The following ANO2 variants were observed in gnomAD, a reference collection of about 807,000 sequenced individuals.
ANO2 encodes anoctamin-2.
Under a neutral mutation model 124.2 loss-of-function variants are expected in ANO2, and 101 were observed. That is an observed-to-expected ratio of 0.81 (90% CI 0.69 to 0.96). The LOEUF (loss-of-function observed/expected upper bound fraction) is 0.96, where lower values mean the gene tolerates loss of function less well. Ranked by LOEUF, ANO2 falls within the 40% of genes least tolerant of loss-of-function variation. ANO2 has a pLI of 0.00. For synonymous variants in ANO2, 486 were observed against 482.5 expected (o/e 1.01, Z -0.09); for missense variants, 1,293 against 1,274.5 (o/e 1.01, Z -0.22).
intron 21 of ANO2, 72 bp downstream of exon 21, chr12:5,578,294 G>A (rs1202791384): frequency 6.4e-7 from 1 of 1,552,540 alleles, no homozygotes; most frequent in East Asian, 2.3e-5. Context: ...TCCTGGTGTG[G>A]TGTGACTGTG....
At position 5,900,780 on chromosome 12, in the gene ANO2, T is replaced by G. The variant is rs961874019; in HGVS notation, c.534+20260A>C. 1.3e-5 allele frequency among the ~76,000 whole-genome samples: 2 copies of G among 152,156 alleles called. No homozygotes were observed. The highest frequency in any genetic ancestry group is 2.4e-5 in the African/African-American group (1 of 41,424). ...TCTGGTGCTCAGTCACTTCATCTGC[T>G]GAGTATTTAATTAGAACTGGTGATG... is the stretch of plus-strand genomic sequence containing the variant. On this transcript the variant is annotated intron_variant, in intron 3 of 24. Coordinates refer to ENST00000682330, the MANE Select transcript of ANO2 (RefSeq NM_001364791.2). The surrounding 1 kb of genome is among the most constrained non-coding windows in gnomAD (Gnocchi z 4.2).
At chr12:5,698,459 C>G (rs1244161925) in intron 14 of ANO2, among the ~76,000 whole-genome samples, 1 of 152,176 alleles carries the variant, frequency 6.6e-6, no homozygotes, top group Non-Finnish European at 1.5e-5. Flanking sequence ...TCACCATCAT[C>G]AAAGACCAAA....
chr12:5,905,493 G>C (rs1940612478), intron 3 of ANO2, among the ~76,000 whole-genome samples: 1 of 152,172 alleles, frequency 6.6e-6, no homozygotes. Flanking sequence ...AGATTCATGA[G>C]GCCCCAGTGG....
intron 10 of ANO2, among the ~76,000 whole-genome samples, chr12:5,797,821 C>T (rs1350665178): frequency 6.6e-6 from 1 of 152,164 alleles, no homozygotes; most frequent in African/African-American, 2.4e-5. Context: ...AGCCTCCGGC[C>T]CTGCTCCAGT....
intron 21 of ANO2, among the ~76,000 whole-genome samples, 151 bp from the exon 22 acceptor site, chr12:5,578,158 C>T (rs866584301): frequency 6.6e-6 from 1 of 152,176 alleles, no homozygotes; most frequent in Middle Eastern, 3.4e-3. Context: ...GCTTAGGTAG[C>T]CCCCCCATCT....
At chr12:5,896,219 GA>G (rs1168559911) in intron 3 of ANO2, among the ~76,000 whole-genome samples, 1 of 151,858 alleles carries the variant, frequency 6.6e-6, no homozygotes, top group Non-Finnish European at 1.5e-5. Flanking sequence ...AACCACTAAA[GA>G]ACTTATCCAT....
At chr12:5,660,787 A>T (rs922242127) in intron 14 of ANO2, among the ~76,000 whole-genome samples, 3 of 152,166 alleles carry the variant, frequency 2.0e-5, no homozygotes, top group African/African-American at 7.2e-5. Flanking sequence ...GTTTGGAAAC[A>T]ATAGCCGGGC....
chr12:5,815,421 T>A (rs1005543986), intron 7 of ANO2, among the ~76,000 whole-genome samples: 1 of 152,228 alleles, frequency 6.6e-6, no homozygotes, highest in Admixed American at 6.5e-5. Flanking sequence ...TTAATGATGA[T>A]CTTGAATAAT....
At position 5,847,867 on chromosome 12, in the gene ANO2, T is replaced by C. The variant is rs534862142; in HGVS notation, c.633+6176A>G. Among the ~76,000 whole-genome samples, 3 of 152,358 alleles carry C rather than the reference T, an allele frequency of 2.0e-5. No homozygotes were observed. In the East Asian group the frequency reaches 5.8e-4, roughly 29 times the overall value. The stretch of plus-strand genomic sequence containing the variant: ...TAATAGCAATTACATATGTTTTCTC[T>C]TCAGGAAAAGAAGATAACTTATTCT... On this transcript the variant is annotated intron_variant, in intron 4 of 24. Transcript: ENST00000682330.
chr12:5,803,222 C>T (rs1337445412), intron 9 of ANO2, among the ~76,000 whole-genome samples: 1 of 152,172 alleles, frequency 6.6e-6, no homozygotes, highest in Admixed American at 6.5e-5. Flanking sequence ...CTGACCTATT[C>T]GAACATTTTA....
At chr12:5,790,545 T>C (rs189513760) in intron 10 of ANO2, among the ~76,000 whole-genome samples, 1 of 152,320 alleles carries the variant, frequency 6.6e-6, no homozygotes, top group African/African-American at 2.4e-5. Context: ...TTCAAATCTC[T>C]GCTTCCTGCT....
intron 14 of ANO2, among the ~76,000 whole-genome samples, chr12:5,702,095 A>G (rs1023086698): frequency 1.3e-5 from 2 of 152,250 alleles, no homozygotes; most frequent in Non-Finnish European, 2.9e-5. Flanking sequence ...TCTGTGAAAC[A>G]TGTTCAGAAC....
chr12:5,563,225 T>A lies in ANO2; in HGVS notation c.*74A>T, dbSNP rs1941535867. 6.7e-7 allele frequency: 1 copy of A among 1,503,024 alleles called. No homozygotes were observed. The highest frequency in any genetic ancestry group is 2.0e-5 in the Admixed American group (1 of 50,208). 93.1% of individuals were successfully genotyped at this position (1,503,024 alleles called of 1,614,324 possible). On this transcript the variant is annotated 3_prime_UTR_variant, in exon 25 of 25. Coordinates refer to ENST00000682330, the MANE Select transcript of ANO2 (RefSeq NM_001364791.2). ...CCCTGCAGACAGACAGCACGCCATG[T>A]GGGTGTAGGAACATGCTTACGTGCA...
chr12:5,615,192 T>C lies in ANO2; in HGVS notation c.1922A>G (p.Lys641Arg), dbSNP rs201214063. 1,248 of 1,613,008 alleles carry C rather than the reference T, an allele frequency of 7.7e-4. 3 individuals carry two copies. Among genetic ancestry groups the C allele is most frequent in the Non-Finnish European group, 9.2e-4 (1,083 of 1,179,458 alleles). Reference protein sequence around the residue: ...YSPIFYVAFFKGRFVGRPGSY... With the variant: ...YSPIFYVAFFRGRFVGRPGSY... Reference sequence around the variant, plus strand: ...ATGACACCATTATACTCACCTCCCTTTGAAAAAGGCCACATAGAAGATGGG... The same window carrying C: ...ATGACACCATTATACTCACCTCCCTCTGAAAAAGGCCACATAGAAGATGGG... The change falls in exon 17 of 25, where the codon AAA becomes AGA. Residue 641 changes from lysine (K) to arginine (R), a missense_variant. By Grantham distance (26) the Lys-to-Arg change is conservative. Coordinates refer to ENST00000682330, the MANE Select transcript of ANO2 (RefSeq NM_001364791.2).
chr12:5,889,617 C>G (rs1243131782), intron 3 of ANO2, among the ~76,000 whole-genome samples: 3 of 152,244 alleles, frequency 2.0e-5, no homozygotes, highest in Non-Finnish European at 4.4e-5. Context: ...GACTGCCAGT[C>G]TCTTGGAGCC....
intron 1 of ANO2, among the ~76,000 whole-genome samples, chr12:5,937,091 TG>T (rs1942681336): frequency 6.6e-6 from 1 of 151,470 alleles, no homozygotes; most frequent in Non-Finnish European, 1.5e-5. Context: ...TAGGAATTTC[TG>T]GGTCATATGG....
In ANO2 at chr12:5,787,394, C is replaced by T. The variant is rs1952568941; in HGVS notation, c.1055+12113G>A. On this transcript the variant is annotated intron_variant, in intron 10 of 24. Transcript: ENST00000682330. The surrounding 1 kb of genome is among the most constrained non-coding windows in gnomAD (Gnocchi z 4.2). ...ACCTGGCTCCCCACAAGCATCTCCG[C>T]TACAGAGCTGAAGCTCCAGCATCCC... Among the ~76,000 whole-genome samples the T allele has an allele frequency of 6.6e-6, 1 of 152,202 alleles. No homozygotes were observed. Among genetic ancestry groups the T allele is most frequent in the African/African-American group, 2.4e-5 (1 of 41,452 alleles).
At chr12:5,637,917 A>G (rs1258859677) in intron 15 of ANO2, among the ~76,000 whole-genome samples, 2 of 152,298 alleles carry the variant, frequency 1.3e-5, no homozygotes, top group Non-Finnish European at 2.9e-5. Flanking sequence ...TCACGTGACC[A>G]TTTTGGAGAT....
chr12:5,644,392 T>C (rs1293042959), intron 15 of ANO2, among the ~76,000 whole-genome samples: 1 of 152,228 alleles, frequency 6.6e-6, no homozygotes, highest in Non-Finnish European at 1.5e-5. Flanking sequence ...TCTTACTCAT[T>C]GTAGTTTTAT....
Sources: gnomAD v4.1 joint callset for allele counts (sites outside exome capture counted in the v4.1 genomes callset) on GRCh38, gnomAD v4.1.1 for gene constraint, Gnocchi (gnomAD v3.1) non-coding constraint, MANE v1.5 for transcripts, NCBI Gene and HGNC (gene_info 2026-07-23, HGNC 2026-07-21) for gene names.